Variants in BBS9 observed in about 807,000 individuals in gnomAD.
BBS9 encodes protein PTHB1.
BBS9 carries 89 observed loss-of-function variants against 117.7 expected under a neutral mutation model. The ratio of observed to expected loss-of-function variants is 0.76; its 90% CI spans 0.64 to 0.90. BBS9 has a LOEUF of 0.90. Among genes scored for constraint, BBS9 ranks in the 40% least tolerant of loss-of-function variants. The probability of loss-of-function intolerance (pLI) is 0.00; values close to 1 mark genes in which losing one functional copy is unlikely to be tolerated. For synonymous variants in BBS9, 379 were observed against 370.9 expected (o/e 1.02, Z -0.25); for missense variants, 982 against 1,042.2 (o/e 0.94, Z 0.80).
intron 19 of BBS9, among the ~76,000 whole-genome samples, chr7:33,474,423 T>C (rs1215969589): frequency 6.6e-6 from 1 of 152,226 alleles, no homozygotes; most frequent in South Asian, 2.1e-4. Flanking sequence ...TTTTTTCTTA[T>C]TACTCAAGTA....
At chr7:33,351,722 G>C (rs538739333) in intron 14 of BBS9, among the ~76,000 whole-genome samples, 1 of 152,098 alleles carries the variant, frequency 6.6e-6, no homozygotes, top group Non-Finnish European at 1.5e-5. Context: ...CAGTGAGTGA[G>C]GAGGGTGGAA....
intron 21 of BBS9, among the ~76,000 whole-genome samples, chr7:33,543,936 A>G (rs1852833117): frequency 6.6e-6 from 1 of 152,152 alleles, no homozygotes; most frequent in African/African-American, 2.4e-5. Context: ...GGGTTAATTC[A>G]AAGACCTTGT....
intron 20 of BBS9, among the ~76,000 whole-genome samples, chr7:33,526,368 C>T (rs1343162372): frequency 6.6e-6 from 1 of 152,196 alleles, no homozygotes; most frequent in East Asian, 1.9e-4. Context: ...CCATTCTCCC[C>T]ATCACTTTCA....
chr7:33,490,841 G>T (rs1187556783), intron 19 of BBS9, among the ~76,000 whole-genome samples: 1 of 152,212 alleles, frequency 6.6e-6, no homozygotes, highest in African/African-American at 2.4e-5. Context: ...ACAACTTTGT[G>T]GAAGTTAATT....
chr7:33,290,793 T>C (rs181322763), intron 9 of BBS9, among the ~76,000 whole-genome samples: 5 of 152,356 alleles, frequency 3.3e-5, no homozygotes, highest in Admixed American at 1.3e-4. Context: ...TTATGTATCA[T>C]TGAAATGAAT....
intron 5 of BBS9, among the ~76,000 whole-genome samples, chr7:33,196,073 A>C (rs991754705): frequency 6.6e-6 from 1 of 152,178 alleles, no homozygotes; most frequent in Non-Finnish European, 1.5e-5. Context: ...ATAAGCTTGT[A>C]TGGGATTATA....
At chr7:33,384,436 C>G (rs1825650912) in intron 18 of BBS9, among the ~76,000 whole-genome samples, 1 of 152,132 alleles carries the variant, frequency 6.6e-6, no homozygotes, top group South Asian at 2.1e-4. Flanking sequence ...TTGAGTATTT[C>G]AATGGTGACA....
At chr7:33,437,202 T>C (rs1289382871) in intron 19 of BBS9, among the ~76,000 whole-genome samples, 4 of 152,178 alleles carry the variant, frequency 2.6e-5, no homozygotes, top group Non-Finnish European at 4.4e-5. Context: ...GTTATTTCTA[T>C]TGAGGTAAAT....
intron 21 of BBS9, among the ~76,000 whole-genome samples, chr7:33,618,205 C>G (rs1044339073): frequency 2.6e-5 from 4 of 151,942 alleles, no homozygotes; most frequent in Admixed American, 2.0e-4. Flanking sequence ...ATTAGCTGGG[C>G]ATAATGTCAC....
intron 19 of BBS9, among the ~76,000 whole-genome samples, chr7:33,468,997 T>G (rs1368445822): frequency 1.6e-5 from 1 of 62,886 alleles, no homozygotes; most frequent in Non-Finnish European, 2.7e-5. Flanking sequence ...ATCTACTGAT[T>G]CCTTTTTTTT....
intron 5 of BBS9, among the ~76,000 whole-genome samples, chr7:33,222,846 G>A (rs372249468): frequency 2.5e-4 from 38 of 151,804 alleles, no homozygotes; most frequent in Non-Finnish European, 3.8e-4. Context: ...CCAGCTACTC[G>A]GGAGGCTGAG....
At chr7:33,147,943 A>G (rs1379329388) in intron 2 of BBS9, among the ~76,000 whole-genome samples, 1 of 141,916 alleles carries the variant, frequency 7.0e-6, no homozygotes, top group African/African-American at 2.5e-5. Context: ...AGCCTGTGTC[A>G]TAATATTGTG....
At chr7:33,343,446 T>C (rs1404209294) in intron 11 of BBS9, among the ~76,000 whole-genome samples, 1 of 152,100 alleles carries the variant, frequency 6.6e-6, no homozygotes, top group African/African-American at 2.4e-5. Context: ...TAGTTTATGA[T>C]ATGCACTGGT....
intron 21 of BBS9, among the ~76,000 whole-genome samples, chr7:33,539,089 C>T (rs1244759851): frequency 1.3e-5 from 2 of 152,076 alleles, no homozygotes; most frequent in Non-Finnish European, 2.9e-5. Context: ...CCCAAAGGAA[C>T]TTGGGAGAAC....
At chr7:33,138,765 G>A (rs1045030597) in intron 1 of BBS9, among the ~76,000 whole-genome samples, 2 of 146,092 alleles carry the variant, frequency 1.4e-5, no homozygotes, top group Admixed American at 6.7e-5. Context: ...TTTTTTTGGT[G>A]GGGGGGAAAG....
intron 21 of BBS9, among the ~76,000 whole-genome samples, chr7:33,574,721 A>G (rs1427488819): frequency 7.3e-6 from 1 of 136,460 alleles, no homozygotes; most frequent in African/African-American, 3.0e-5. Flanking sequence ...ACACACACAC[A>G]CACACGCGCA....
chr7:33,558,494 C>G (rs142916118), intron 21 of BBS9, among the ~76,000 whole-genome samples: 1 of 152,192 alleles, frequency 6.6e-6, no homozygotes, highest in African/African-American at 2.4e-5. Flanking sequence ...GAAAGGAGGC[C>G]AGGGTGACTG....
intron 5 of BBS9, among the ~76,000 whole-genome samples, chr7:33,181,615 G>A (rs1034866386): frequency 5.9e-5 from 9 of 152,096 alleles, no homozygotes; most frequent in Non-Finnish European, 1.0e-4. Context: ...AAGCAGATCA[G>A]TGCTCTAAGA....
chr7:33,427,765 C>T (rs770298396), intron 19 of BBS9, among the ~76,000 whole-genome samples: 3 of 152,120 alleles, frequency 2.0e-5, no homozygotes, highest in Non-Finnish European at 2.9e-5. Context: ...TGATGCTCTT[C>T]GAGGTGGTTC....
Sources: gnomAD v4.1 joint callset for allele counts (sites outside exome capture counted in the v4.1 genomes callset) on GRCh38, gnomAD v4.1.1 for gene constraint, MANE v1.5 for transcripts, NCBI Gene and HGNC (gene_info 2026-07-23, HGNC 2026-07-21) for gene names.